The following AKIRIN2 variants were observed in gnomAD, a reference collection of about 807,000 sequenced individuals.
AKIRIN2 encodes the protein akirin-2.
A neutral mutation model predicts 29.3 loss-of-function variants in AKIRIN2; 6 were observed. The observed-to-expected ratio is 0.20, with a 90% CI of 0.11 to 0.40. The LOEUF (loss-of-function observed/expected upper bound fraction) is 0.40. Among genes scored for constraint, AKIRIN2 ranks in the 10% least tolerant of loss-of-function variants. The probability of loss-of-function intolerance (pLI) is 1.00; values close to 1 mark genes in which losing one functional copy is unlikely to be tolerated. For synonymous variants in AKIRIN2, 128 were observed against 117.5 expected (o/e 1.09, Z -0.58); for missense variants, 210 against 276.1 (o/e 0.76, Z 1.70).
At chr6:87,698,429 G>A (rs1488203702) in intron 1 of AKIRIN2, among the ~76,000 whole-genome samples, 1 of 149,048 alleles carries the variant, frequency 6.7e-6, no homozygotes, top group East Asian at 2.0e-4. Flanking sequence ...TTTATTTATG[G>A]ACACTGAAAT....
At chr6:87,692,698 G>A (rs1320926931) in intron 1 of AKIRIN2, among the ~76,000 whole-genome samples, 2 of 152,166 alleles carry the variant, frequency 1.3e-5, no homozygotes, top group African/African-American at 2.4e-5. Context: ...TGTAATCCCC[G>A]CTACTCAGAA....
intron 1 of AKIRIN2, among the ~76,000 whole-genome samples, chr6:87,686,099 CA>C (rs1217859000): frequency 3.9e-5 from 6 of 152,006 alleles, no homozygotes; most frequent in Admixed American, 1.3e-4. Context: ...CCTGTAATCC[CA>C]GCTACTTGGG....
At position 87,702,115 on chromosome 6, in the gene AKIRIN2, C is replaced by T. The variant is rs532826011; in HGVS notation, c.-431G>A. On this transcript the variant is annotated 5_prime_UTR_variant, in exon 1 of 5. Coordinates refer to ENST00000257787, the MANE Select transcript of AKIRIN2 (RefSeq NM_018064.4). ...TGAGGCTGGAACGCGGCTCCTAATA[C>T]GCCCGAGTACGGTCAGTAGCTTGCG... 19 of 399,140 alleles carry T rather than the reference C, an allele frequency of 4.8e-5. No homozygotes were observed. In the East Asian group the frequency reaches 6.1e-4, roughly 13 times the overall value. 24.7% of individuals were successfully genotyped at this position (399,140 alleles called of 1,614,324 possible).
chr6:87,701,223 C>T (rs1582128366), intron 1 of AKIRIN2, among the ~76,000 whole-genome samples: 1 of 152,050 alleles, frequency 6.6e-6, no homozygotes, highest in Non-Finnish European at 1.5e-5. Flanking sequence ...AGGCAAAGCC[C>T]CTACCCACCT....
intron 1 of AKIRIN2, among the ~76,000 whole-genome samples, chr6:87,692,544 G>A (rs1442061822): frequency 6.6e-6 from 1 of 152,262 alleles, no homozygotes; most frequent in African/African-American, 2.4e-5. Flanking sequence ...GGGCGCGGTG[G>A]CTCATGCCTG....
Position 87,702,057 on chromosome 6 carries a change from C to A in AKIRIN2, c.-373G>T. On this transcript the variant is annotated 5_prime_UTR_variant, in exon 1 of 5. Transcript: ENST00000257787. ...AGGCGCTTCTGTGCTGAGACTAGAT[C>A]CTTTCTGAAGTCGAAAACAGCACCG... is the stretch of plus-strand genomic sequence containing the variant. 1 of 399,992 alleles carries A rather than the reference C, an allele frequency of 2.5e-6. No homozygotes were observed. Among genetic ancestry groups the A allele is most frequent in the Non-Finnish European group, 4.4e-6 (1 of 226,652 alleles). The allele number at this position is 399,992 out of a possible 1,614,324, so 24.8% of individuals were successfully genotyped here. A position where few individuals can be genotyped will look rare whatever the true frequency, so the allele number is the denominator to read the frequency against.
intron 2 of AKIRIN2, among the ~76,000 whole-genome samples, chr6:87,680,458 A>C (rs77883783): frequency 1.1e-4 from 17 of 148,314 alleles, no homozygotes; most frequent in Non-Finnish European, 2.1e-4. Context: ...ATTTTAGTAG[A>C]GACGGGGTTT....
At position 87,676,421 on chromosome 6, in the gene AKIRIN2, G is replaced by A. The variant is rs1193202992; in HGVS notation, c.530-490C>T. On this transcript the variant is annotated intron_variant, in intron 3 of 4. Transcript: ENST00000257787. ...GTGGAGCTTGCAGTGAGCCAAGAACGCGCCACTGCACTCCAGCCTGGGCAA... is the reference window on the plus strand; with the variant it reads ...GTGGAGCTTGCAGTGAGCCAAGAACACGCCACTGCACTCCAGCCTGGGCAA... Among the ~76,000 whole-genome samples, 203 of 115,212 alleles carry A rather than the reference G, an allele frequency of 1.8e-3. No homozygotes were observed. The Middle Eastern group carries it at 0.018, about 10-fold the overall frequency. The allele number at this position is 115,212 out of a possible 152,430, so 75.6% of individuals were successfully genotyped here. A position where few individuals can be genotyped will look rare whatever the true frequency, so the allele number is the denominator to read the frequency against.
At chr6:87,685,815 T>G (rs1771177162) in intron 1 of AKIRIN2, among the ~76,000 whole-genome samples, 1 of 152,192 alleles carries the variant, frequency 6.6e-6, no homozygotes, top group African/African-American at 2.4e-5. Context: ...TCACAGCATT[T>G]TCATTCTCAA....
At chr6:87,689,403 C>T (rs1414048747) in intron 1 of AKIRIN2, among the ~76,000 whole-genome samples, 3 of 152,052 alleles carry the variant, frequency 2.0e-5, no homozygotes, top group East Asian at 1.9e-4. Flanking sequence ...GCTTAAACCT[C>T]GGAGGCAGAG....
intron 1 of AKIRIN2, among the ~76,000 whole-genome samples, chr6:87,698,555 C>CTAT (rs1771407459): frequency 6.6e-6 from 1 of 152,146 alleles, no homozygotes; most frequent in Admixed American, 6.5e-5. Flanking sequence ...TATGGCTATA[C>CTAT]TTTGTCAACC....
Position 87,681,844 on chromosome 6 carries a change from G to T in AKIRIN2, c.236-81C>A. 2.5e-6 allele frequency: 3 copies of T among 1,199,620 alleles called. No individual in the cohort carries two copies. In the South Asian group the frequency reaches 4.9e-5, roughly 20 times the overall value. 74.3% of individuals were successfully genotyped at this position (1,199,620 alleles called of 1,614,324 possible). On this transcript the variant is annotated intron_variant, in intron 1 of 4. Coordinates refer to ENST00000257787, the MANE Select transcript of AKIRIN2 (RefSeq NM_018064.4). ...GTTGGCTTTCCAACATTATTTAGTA[G>T]ACCAATCTACCCAAAATACTCCTTT...
At position 87,702,224 on chromosome 6, in the gene AKIRIN2, G is replaced by A. The variant is rs541223516; in HGVS notation, c.-540C>T. On this transcript the variant is annotated 5_prime_UTR_variant, in exon 1 of 5. The change creates a new upstream start codon in the 5' untranslated region. Coordinates refer to ENST00000257787, the MANE Select transcript of AKIRIN2 (RefSeq NM_018064.4). ...CACGTCCAACCGCTTCCCCTCCCTC[G>A]TAGAACTCTCCCACCCGCCGCCGGC... 5.3e-5 allele frequency: 21 copies of A among 397,150 alleles called. No individual in the cohort carries two copies. Among genetic ancestry groups the A allele is most frequent in the Admixed American group, 1.8e-4 (4 of 22,692 alleles). The allele number at this position is 397,150 out of a possible 1,614,324, so 24.6% of individuals were successfully genotyped here. A position where few individuals can be genotyped will look rare whatever the true frequency, so the allele number is the denominator to read the frequency against.
chr6:87,689,874 T>C (rs1158789207), intron 1 of AKIRIN2, among the ~76,000 whole-genome samples: 2 of 152,162 alleles, frequency 1.3e-5, no homozygotes, highest in East Asian at 1.9e-4. Flanking sequence ...CATTTACACA[T>C]CTGGAACTAT....
At chr6:87,676,225 G>A (rs936912355) in intron 3 of AKIRIN2, among the ~76,000 whole-genome samples, 5 of 151,968 alleles carry the variant, frequency 3.3e-5, no homozygotes, top group African/African-American at 1.2e-4. Flanking sequence ...AGCACTCTGG[G>A]AGGCCGAGGC....
intron 1 of AKIRIN2, among the ~76,000 whole-genome samples, chr6:87,691,193 C>T (rs969809239): frequency 6.6e-6 from 1 of 151,204 alleles, no homozygotes; most frequent in African/African-American, 2.4e-5. Context: ...CCTATAATCC[C>T]GGCACTCTGG....
intron 2 of AKIRIN2, 135 bp downstream of exon 2, chr6:87,681,485 T>A (rs2128301271): frequency 1.2e-6 from 1 of 832,222 alleles, no homozygotes; most frequent in East Asian, 3.0e-5. Flanking sequence ...TTTTTTAAGA[T>A]GTCATGCATT....
intron 1 of AKIRIN2, among the ~76,000 whole-genome samples, chr6:87,689,301 A>G (rs1365825832): frequency 2.0e-5 from 3 of 152,218 alleles, no homozygotes; most frequent in African/African-American, 7.2e-5. Flanking sequence ...CAAGAGTTCG[A>G]GACCTGCCTG....
At position 87,692,832 on chromosome 6, in the gene AKIRIN2, C is replaced by T. The variant is rs150905194; in HGVS notation, c.235+8618G>A. On this transcript the variant is annotated intron_variant, in intron 1 of 4. Transcript: ENST00000257787. ...TCTCAAAAATAAATAAATATCACAA[C>T]GAGGAAAGTTAATTTTTAGAAAACA... is the stretch of plus-strand genomic sequence containing the variant. 7.2e-5 allele frequency among the ~76,000 whole-genome samples: 11 copies of T among 151,944 alleles called. No homozygotes were observed. In the East Asian group the frequency reaches 1.9e-3, roughly 27 times the overall value.
Sources: allele counts gnomAD v4.1 joint callset (sites outside exome capture counted in the v4.1 genomes callset), GRCh38; gene constraint gnomAD v4.1.1; transcripts MANE v1.5; gene names NCBI Gene and HGNC (gene_info 2026-07-23, HGNC 2026-07-21).